Variants in MBNL2 observed in about 807,000 individuals in gnomAD.
MBNL2 encodes the protein muscleblind like splicing regulator 2.
A neutral mutation model predicts 41.9 loss-of-function variants in MBNL2; 17 were observed. The observed-to-expected ratio is 0.41, with a 90% CI of 0.28 to 0.61. The LOEUF (loss-of-function observed/expected upper bound fraction) is 0.61. MBNL2 is among the 20% of genes least tolerant of loss of function. The probability of loss-of-function intolerance (pLI) is 0.35; values close to 1 mark genes in which losing one functional copy is unlikely to be tolerated. For synonymous variants in MBNL2, 195 were observed against 182.9 expected (o/e 1.07, Z -0.53); for missense variants, 336 against 505.6 (o/e 0.66, Z 3.22).
chr13:97,256,652 G>A (rs906902603), intron 1 of MBNL2, among the ~76,000 whole-genome samples: 1 of 152,094 alleles, frequency 6.6e-6, no homozygotes, highest in Non-Finnish European at 1.5e-5. Flanking sequence ...TGCCTTATAC[G>A]AGTGTTCTGT....
At chr13:97,214,473 A>G in the MBNL2 span, among the ~76,000 whole-genome samples, 1 of 152,192 alleles carries the variant, frequency 6.6e-6, no homozygotes, top group African/African-American at 2.4e-5. Flanking sequence ...AGTAGATTAT[A>G]AATTTTGACA....
chr13:97,322,318 G>A (rs1251334203), intron 2 of MBNL2, among the ~76,000 whole-genome samples: 1 of 152,132 alleles, frequency 6.6e-6, no homozygotes, highest in Non-Finnish European at 1.5e-5. Context: ...CCCTGCTGCA[G>A]TCCAGGACTG....
intron 1 of MBNL2, among the ~76,000 whole-genome samples, chr13:97,266,703 G>A (rs1159327166): frequency 6.6e-6 from 1 of 152,052 alleles, no homozygotes; most frequent in Non-Finnish European, 1.5e-5. Context: ...CTCACAGGAA[G>A]GAAACATTAT....
intron 1 of MBNL2, among the ~76,000 whole-genome samples, chr13:97,246,015 A>T (rs922389663): frequency 6.6e-6 from 1 of 152,132 alleles, no homozygotes; most frequent in South Asian, 2.1e-4. Flanking sequence ...CAGCTACCTA[A>T]GAGATATATG....
the MBNL2 span, among the ~76,000 whole-genome samples, chr13:97,207,628 T>A: frequency 6.6e-6 from 1 of 152,214 alleles, no homozygotes; most frequent in African/African-American, 2.4e-5. Context: ...GAATTCAAGA[T>A]GAGATTTGGG....
intron 1 of MBNL2, among the ~76,000 whole-genome samples, chr13:97,244,721 G>A (rs949278516): frequency 6.6e-6 from 1 of 152,158 alleles, no homozygotes; most frequent in Non-Finnish European, 1.5e-5. Context: ...TGCTTGTTTT[G>A]AAGAAATCAG....
chr13:97,372,433 CT>C (rs1281939161), intron 8 of MBNL2, among the ~76,000 whole-genome samples: 15 of 152,106 alleles, frequency 9.9e-5, no homozygotes, highest in African/African-American at 3.4e-4. Flanking sequence ...CTTCTGAACT[CT>C]CCTCCAAAGA....
intron 1 of MBNL2, among the ~76,000 whole-genome samples, chr13:97,247,216 T>C (rs1055573505): frequency 6.6e-6 from 1 of 152,252 alleles, no homozygotes; most frequent in African/African-American, 2.4e-5. Flanking sequence ...TTGTCTAGTA[T>C]GTTTCTTTAC....
chr13:97,247,742 A>G (rs1186544896), intron 1 of MBNL2, among the ~76,000 whole-genome samples: 2 of 152,074 alleles, frequency 1.3e-5, no homozygotes, highest in Non-Finnish European at 2.9e-5. Context: ...TTTAAATCAC[A>G]TTCTAGTTCA....
the MBNL2 span, among the ~76,000 whole-genome samples, chr13:97,200,698 T>C: frequency 6.6e-6 from 1 of 152,196 alleles, no homozygotes; most frequent in Admixed American, 6.5e-5. Flanking sequence ...TCTTATTTCA[T>C]ATTATAGCAC....
rs1392041071 is a variant in MBNL2, at chr13:97,335,394, A to G, written c.339+954A>G. On this transcript the variant is annotated intron_variant, in intron 3 of 8. Coordinates refer to ENST00000679496, the MANE Select transcript of MBNL2 (RefSeq NM_001382683.1). ...TCCCTTTATTGTAGGAAAAGTCTGC[A>G]TGACTGAAACCTACTAAATTAGGAG... 2.0e-5 allele frequency among the ~76,000 whole-genome samples: 3 copies of G among 152,072 alleles called. No individual in the cohort carries two copies. In the East Asian group the frequency reaches 5.8e-4, roughly 29 times the overall value.
the MBNL2 span, among the ~76,000 whole-genome samples, chr13:97,169,046 C>A: frequency 6.6e-6 from 1 of 152,160 alleles, no homozygotes; most frequent in African/African-American, 2.4e-5. Context: ...GTCTACTCCC[C>A]CCTTTGTCGC....
chr13:97,164,375 A>G, the MBNL2 span, among the ~76,000 whole-genome samples: 3 of 152,342 alleles, frequency 2.0e-5, no homozygotes, highest in East Asian at 5.8e-4. Context: ...GGTTCTTTTC[A>G]GTGCCACGAC....
intron 2 of MBNL2, among the ~76,000 whole-genome samples, chr13:97,300,013 T>C (rs767093825): frequency 6.6e-6 from 1 of 152,210 alleles, no homozygotes; most frequent in African/African-American, 2.4e-5. Flanking sequence ...TTGTGGTAGT[T>C]CTGCCATTTT....
At chr13:97,225,904 G>A (rs988645532) in intron 1 of MBNL2, among the ~76,000 whole-genome samples, 2 of 152,208 alleles carry the variant, frequency 1.3e-5, no homozygotes, top group African/African-American at 2.4e-5. Flanking sequence ...GGAGAGCAAA[G>A]AGCTTGATAT....
Position 97,346,732 on chromosome 13 carries a change from C to A in MBNL2, c.541-72C>A, listed in dbSNP as rs1381560489. On this transcript the variant is annotated intron_variant, in intron 4 of 8. Transcript: ENST00000679496. This position sits in a 1 kb window ranked among gnomAD's most constrained non-coding sequence, Gnocchi z 4.2. ...AGCGAGGCAGCCTCCGCTCCTCCCG[C>A]GGTGGCCGGGGCCGCAGGGGCGCCT... 2 of 1,345,984 alleles carry A rather than the reference C, an allele frequency of 1.5e-6. No individual in the cohort carries two copies. The highest frequency in any genetic ancestry group is 1.4e-5 in the African/African-American group (1 of 69,134). The allele number at this position is 1,345,984 out of a possible 1,614,324, so 83.4% of individuals were successfully genotyped here.
chr13:97,233,628 C>T (rs2042780398), intron 1 of MBNL2, among the ~76,000 whole-genome samples: 1 of 151,762 alleles, frequency 6.6e-6, no homozygotes, highest in South Asian at 2.1e-4. Context: ...ACCACAAAGA[C>T]CATCCCCTCA....
upstream of MBNL2, among the ~76,000 whole-genome samples, chr13:97,219,871 G>C (rs1014561116): frequency 6.6e-6 from 1 of 152,210 alleles, no homozygotes; most frequent in Non-Finnish European, 1.5e-5. Flanking sequence ...CAGGAGACCA[G>C]TTAAGGGGCT....
chr13:97,154,144 TAAAC>T, the MBNL2 span, among the ~76,000 whole-genome samples: 1 of 152,144 alleles, frequency 6.6e-6, no homozygotes, highest in Non-Finnish European at 1.5e-5. Context: ...GTAAGTGAAA[TAAAC>T]AGAATTTCTT....
Sources: gnomAD v4.1 joint callset for allele counts (sites outside exome capture counted in the v4.1 genomes callset) on GRCh38, gnomAD v4.1.1 for gene constraint, Gnocchi (gnomAD v3.1) non-coding constraint, MANE v1.5 for transcripts, NCBI Gene and HGNC (gene_info 2026-07-23, HGNC 2026-07-21) for gene names.